The following ROBO2 variants were observed in gnomAD, a reference collection of about 807,000 sequenced individuals.
ROBO2 encodes roundabout guidance receptor 2, also known as roundabout homolog 2.
ROBO2 carries 53 observed loss-of-function variants against 160.8 expected under a neutral mutation model. That is an observed-to-expected ratio of 0.33 (90% CI 0.26 to 0.41). The LOEUF is 0.41. Ranked by LOEUF, ROBO2 falls within the 10% of genes least tolerant of loss-of-function variation. The pLI is 1.00. For synonymous variants in ROBO2, 664 were observed against 611.7 expected, an observed-to-expected ratio of 1.09 and a Z score of -1.26; for missense variants, 1,577 against 1,722.4, an observed-to-expected ratio of 0.92 and a Z score of 1.49.
intron 2 of ROBO2, among the ~76,000 whole-genome samples, chr3:76,086,256 G>A (rs1328047841): frequency 4.6e-5 from 7 of 152,136 alleles, no homozygotes; most frequent in Non-Finnish European, 7.4e-5. Context: ...CGGAGGAAAA[G>A]CCCCTTATAA....
intron 2 of ROBO2, among the ~76,000 whole-genome samples, chr3:77,266,998 C>A (rs777273719): frequency 6.6e-6 from 1 of 152,044 alleles, no homozygotes; most frequent in Non-Finnish European, 1.5e-5. Flanking sequence ...CTTTTCAAAG[C>A]GCTTTACTTC....
intron 5 of ROBO2, among the ~76,000 whole-genome samples, chr3:77,509,288 A>G (rs889070109): frequency 6.6e-6 from 1 of 152,022 alleles, no homozygotes; most frequent in Non-Finnish European, 1.5e-5. Flanking sequence ...TTCTGTCCTG[A>G]CTTCAGCAAA....
chr3:76,869,333 G>A (rs9811933), intron 2 of ROBO2, among the ~76,000 whole-genome samples: 5,647 of 137,672 alleles, frequency 0.041, 328 homozygotes, highest in African/African-American at 0.11. Context: ...GTGCCTAGTA[G>A]AAATTGATGT....
At chr3:77,288,595 T>A (rs2060784167) in intron 2 of ROBO2, among the ~76,000 whole-genome samples, 1 of 152,154 alleles carries the variant, frequency 6.6e-6, no homozygotes. Context: ...GGTCTGACAC[T>A]CTCTGTGAAC....
intron 2 of ROBO2, among the ~76,000 whole-genome samples, chr3:76,264,299 A>G (rs1397402614): frequency 6.6e-6 from 1 of 150,834 alleles, no homozygotes; most frequent in African/African-American, 2.4e-5. Flanking sequence ...ATTACCCAAC[A>G]GTGACTTTTC....
chr3:76,760,035 A>G (rs1297305185), intron 2 of ROBO2, among the ~76,000 whole-genome samples: 1 of 151,750 alleles, frequency 6.6e-6, no homozygotes, highest in African/African-American at 2.4e-5. Flanking sequence ...ATGGAAGGAA[A>G]TTGATGAATA....
intron 2 of ROBO2, among the ~76,000 whole-genome samples, chr3:76,704,575 T>C (rs1328538921): frequency 2.0e-5 from 3 of 152,112 alleles, no homozygotes; most frequent in East Asian, 1.9e-4. Context: ...ATAGTTACAA[T>C]AGAAAGTACC....
chr3:76,711,654 T>G (rs2093296076), intron 2 of ROBO2, among the ~76,000 whole-genome samples: 1 of 152,174 alleles, frequency 6.6e-6, no homozygotes, highest in Non-Finnish European at 1.5e-5. Context: ...GCTTGCTAAG[T>G]CGACCGTCTA....
At chr3:77,166,499 T>G (rs923282206) in intron 2 of ROBO2, among the ~76,000 whole-genome samples, 1 of 152,180 alleles carries the variant, frequency 6.6e-6, no homozygotes, top group Non-Finnish European at 1.5e-5. Flanking sequence ...GTTCTATCTC[T>G]TAGTTTGAAA....
At chr3:77,362,470 C>T (rs1393449111) in intron 2 of ROBO2, among the ~76,000 whole-genome samples, 5 of 152,084 alleles carry the variant, frequency 3.3e-5, no homozygotes, top group Non-Finnish European at 5.9e-5. Context: ...GAAGAACCTG[C>T]TCATATATTG....
chr3:76,589,655 T>C (rs1301219624), intron 2 of ROBO2, among the ~76,000 whole-genome samples: 2 of 152,226 alleles, frequency 1.3e-5, no homozygotes, highest in African/African-American at 4.8e-5. Context: ...TATTTAGGGC[T>C]ATACTACAAT....
At chr3:76,804,179 T>C (rs1288856960) in intron 2 of ROBO2, among the ~76,000 whole-genome samples, 1 of 152,176 alleles carries the variant, frequency 6.6e-6, no homozygotes, top group African/African-American at 2.4e-5. Flanking sequence ...GCTAAGGGGT[T>C]TGCTGGCTAA....
Position 77,109,679 on chromosome 3 carries a change from G to T in ROBO2, c.388+11339G>T, listed in dbSNP as rs1409374142. Among the ~76,000 whole-genome samples the T allele has an allele frequency of 2.0e-5, 3 of 152,350 alleles. No homozygotes were observed. In the East Asian group the frequency reaches 5.8e-4, roughly 29 times the overall value. On this transcript the variant is annotated intron_variant, in intron 2 of 25. Coordinates refer to ENST00000461745, the Ensembl canonical transcript of ROBO2. ...GTGTTTCACACTTATGGCTGATTCA[G>T]TTCTCAAAACAAATCTAAAATTTGG...
intron 2 of ROBO2, among the ~76,000 whole-genome samples, chr3:76,924,440 T>C (rs1162559211): frequency 6.6e-6 from 1 of 152,212 alleles, no homozygotes; most frequent in African/African-American, 2.4e-5. Context: ...AAGCAGGCCC[T>C]CCACAGACAA....
At chr3:76,380,049 T>G (rs1374912721) in intron 2 of ROBO2, among the ~76,000 whole-genome samples, 1 of 152,132 alleles carries the variant, frequency 6.6e-6, no homozygotes, top group Non-Finnish European at 1.5e-5. Context: ...CTAAAAAAAA[T>G]CATTGACAGA....
chr3:77,602,481 A>T lies in ROBO2; in HGVS notation c.3126A>T (p.Lys1042Asn). ...GTTATTCTCTACCTGATCAGAACAA[A>T]GGTAACAATGGTGAGTCAGGTTCTT... The change falls in exon 20 of 26, where the codon AAA becomes AAT. Residue 1042 changes from lysine to asparagine, a missense_variant. Physicochemically the swap from Lys to Asn is moderately conservative, Grantham distance 94 (BLOSUM62 0). Around this residue, in one of 2 missense-constraint regions of ROBO2, gnomAD observed 637 missense variants for 586.9 expected, o/e 1.09. Transcript: ENST00000461745. The T allele has an allele frequency of 6.2e-7, 1 of 1,614,166 alleles. No individual in the cohort carries two copies. The highest frequency in any genetic ancestry group is 1.7e-5 in the Admixed American group (1 of 60,016).
At chr3:76,016,217 G>C (rs952398003) in intron 2 of ROBO2, among the ~76,000 whole-genome samples, 1 of 1,522 alleles carries the variant, frequency 6.6e-4, no homozygotes, top group Non-Finnish European at 3.7e-3. Context: ...AGACATTTAT[G>C]TGATTTTTTT....
intron 1 of ROBO2, among the ~76,000 whole-genome samples, chr3:75,908,123 TAGC>T (rs1459107752): frequency 1.3e-5 from 2 of 152,140 alleles, no homozygotes; most frequent in Non-Finnish European, 2.9e-5. Flanking sequence ...GTGGATTTAA[TAGC>T]AGGTAAGTAT....
At chr3:76,067,281 G>T (rs1559883742) in intron 2 of ROBO2, among the ~76,000 whole-genome samples, 1 of 152,134 alleles carries the variant, frequency 6.6e-6, no homozygotes, top group African/African-American at 2.4e-5. Context: ...ATTAATTATT[G>T]TATATCAAGA....
Sources: allele counts gnomAD v4.1 joint callset (sites outside exome capture counted in the v4.1 genomes callset), GRCh38; gene constraint gnomAD v4.1.1; regional missense constraint gnomAD v4.1.1; transcripts MANE v1.5; gene names NCBI Gene and HGNC (gene_info 2026-07-23, HGNC 2026-07-21).